Variants in RAD51B observed in about 807,000 individuals in gnomAD.
The protein encoded by RAD51B is DNA repair protein RAD51 homolog 2.
RAD51B carries 38 observed loss-of-function variants against 42.2 expected under a neutral mutation model. The observed-to-expected ratio is 0.90, with a 90% CI of 0.70 to 1.18. RAD51B has a LOEUF of 1.18. Ranked by LOEUF, RAD51B falls within the 50% of genes most tolerant of loss-of-function variation. RAD51B has a pLI of 0.00. For missense variants in RAD51B, 373 were observed against 400.7 expected, an observed-to-expected ratio of 0.93 and a Z score of 0.59; for synonymous variants, 154 against 145.2, an observed-to-expected ratio of 1.06 and a Z score of -0.43.
intron 7 of RAD51B, among the ~76,000 whole-genome samples, chr14:68,183,347 A>C: frequency 8.1e-6 from 1 of 123,870 alleles, no homozygotes; most frequent in South Asian, 2.9e-4. Context: ...CGCAGGAAGC[A>C]TCCAGCACAG....
chr14:68,502,071 C>A (rs1463420180), intron 10 of RAD51B, among the ~76,000 whole-genome samples: 2 of 152,236 alleles, frequency 1.3e-5, no homozygotes, highest in African/African-American at 2.4e-5. Context: ...ATCAAAGGAG[C>A]CTCAATGGGA....
intron 7 of RAD51B, among the ~76,000 whole-genome samples, chr14:68,128,421 C>G (rs557940685): frequency 6.6e-6 from 1 of 152,236 alleles, no homozygotes; most frequent in African/African-American, 2.4e-5. Context: ...AGGCCAGGCA[C>G]CAGTGGCTCA....
intron 10 of RAD51B, among the ~76,000 whole-genome samples, chr14:68,593,891 G>C (rs1275290731): frequency 2.0e-5 from 3 of 152,196 alleles, no homozygotes; most frequent in African/African-American, 7.2e-5. Flanking sequence ...TTTCCTAGAA[G>C]AGGAGACAGC....
intron 7 of RAD51B, among the ~76,000 whole-genome samples, chr14:68,282,418 C>G (rs943781193): frequency 6.6e-6 from 1 of 152,142 alleles, no homozygotes; most frequent in African/African-American, 2.4e-5. Context: ...AATATTTAGC[C>G]ATTTCAATAT....
chr14:68,236,955 A>G (rs1247827812), intron 7 of RAD51B, among the ~76,000 whole-genome samples: 1 of 152,176 alleles, frequency 6.6e-6, no homozygotes, highest in African/African-American at 2.4e-5. Flanking sequence ...AAAGCACACA[A>G]ATTGATTCCC....
intron 7 of RAD51B, among the ~76,000 whole-genome samples, chr14:67,928,203 TC>T (rs1371933280): frequency 2.6e-5 from 4 of 152,200 alleles, no homozygotes; most frequent in Admixed American, 2.6e-4. Context: ...TTTCTATTTT[TC>T]CTGATTCAAT....
chr14:67,940,029 T>C (rs1423023929), intron 7 of RAD51B, among the ~76,000 whole-genome samples: 83 of 7,000 alleles, frequency 0.012, no homozygotes, highest in Middle Eastern at 0.11. Flanking sequence ...GATGCATATA[T>C]ATATATATAT....
intron 10 of RAD51B, among the ~76,000 whole-genome samples, chr14:68,509,853 G>A (rs567217015): frequency 1.4e-4 from 21 of 152,338 alleles, no homozygotes; most frequent in African/African-American, 4.8e-4. Flanking sequence ...GCTGCAGGCC[G>A]GATTTGACCA....
At chr14:68,350,880 A>G (rs1015327429) in intron 8 of RAD51B, among the ~76,000 whole-genome samples, 6 of 152,254 alleles carry the variant, frequency 3.9e-5, no homozygotes, top group Non-Finnish European at 5.9e-5. Context: ...CCAGTGTAGC[A>G]GAACTACCAG....
intron 7 of RAD51B, among the ~76,000 whole-genome samples, chr14:67,892,247 G>A (rs1479617500): frequency 6.6e-6 from 1 of 152,076 alleles, no homozygotes; most frequent in African/African-American, 2.4e-5. Context: ...TCACAGTCTA[G>A]ACTAAACCTT....
At chr14:68,526,976 G>A (rs1886975301) in intron 10 of RAD51B, among the ~76,000 whole-genome samples, 1 of 152,228 alleles carries the variant, frequency 6.6e-6, no homozygotes, top group Non-Finnish European at 1.5e-5. Flanking sequence ...GCCTGAATCT[G>A]TGACTCTTAG....
rs546071349 is a variant in RAD51B at position 68,372,219 on chromosome 14, T to C, written c.854-39205T>C. The stretch of plus-strand genomic sequence containing the variant: ...AATGGTGACCTTGACAAGAGTGATT[T>C]CAGTAGAGTGTAGGGGACATAAGCC... On this transcript the variant is annotated intron_variant, in intron 8 of 10. Transcript: ENST00000471583. Among the ~76,000 whole-genome samples the C allele has an allele frequency of 5.3e-5, 8 of 152,280 alleles. 1 individual carries two copies. The highest frequency in any genetic ancestry group is 1.9e-4 in the African/African-American group (8 of 41,552).
chr14:67,998,515 T>C lies in RAD51B; in HGVS notation c.756+111311T>C, dbSNP rs117276987. 9.1e-3 allele frequency among the ~76,000 whole-genome samples: 1,387 copies of C among 152,328 alleles called. 16 individuals are homozygous for C. The highest frequency in any genetic ancestry group is 0.027 in the Middle Eastern group (8 of 294). ...TATATCACTACCAAAAACAGAATGG[T>C]ACAAATAGAATGATGTATTTTGTTT... On this transcript the variant is annotated intron_variant, in intron 7 of 10. Transcript: ENST00000471583.
intron 7 of RAD51B, among the ~76,000 whole-genome samples, chr14:68,133,808 T>TC (rs1353405957): frequency 2.6e-5 from 4 of 152,126 alleles, no homozygotes; most frequent in Non-Finnish European, 4.4e-5. Context: ...TTTTGGCTTG[T>TC]TAAGAAAACT....
chr14:68,016,193 A>G (rs1490327251), intron 7 of RAD51B, among the ~76,000 whole-genome samples: 2 of 152,166 alleles, frequency 1.3e-5, no homozygotes, highest in African/African-American at 4.8e-5. Flanking sequence ...GGCTTTTTAT[A>G]AGCAAATACG....
intron 10 of RAD51B, among the ~76,000 whole-genome samples, chr14:68,494,604 C>T (rs1209259119): frequency 6.6e-6 from 1 of 152,102 alleles, no homozygotes; most frequent in African/African-American, 2.4e-5. Flanking sequence ...GCTTCCTATT[C>T]TTGTTGCCTT....
chr14:67,949,349 T>C (rs562614257), intron 7 of RAD51B, among the ~76,000 whole-genome samples: 1 of 152,382 alleles, frequency 6.6e-6, no homozygotes, highest in Admixed American at 6.5e-5. Context: ...TCAACAATGT[T>C]ATTAGCATCA....
At chr14:67,887,751 G>C (rs1370210048) in intron 7 of RAD51B, among the ~76,000 whole-genome samples, 1 of 152,216 alleles carries the variant, frequency 6.6e-6, no homozygotes, top group Non-Finnish European at 1.5e-5. Context: ...GTGTCAGTAA[G>C]AAAACCTTGA....
chr14:68,210,708 A>G (rs1400602086), intron 7 of RAD51B, among the ~76,000 whole-genome samples: 1 of 152,170 alleles, frequency 6.6e-6, no homozygotes, highest in Non-Finnish European at 1.5e-5. Context: ...ATTAAAGGAG[A>G]AAATACTTGG....
Sources: allele counts gnomAD v4.1 joint callset (sites outside exome capture counted in the v4.1 genomes callset), GRCh38; gene constraint gnomAD v4.1.1; transcripts MANE v1.5; gene names NCBI Gene and HGNC (gene_info 2026-07-23, HGNC 2026-07-21).